The following IPO11 variants were observed in gnomAD, a reference collection of about 807,000 sequenced individuals.
The protein encoded by IPO11 is importin 11.
IPO11 carries 66 observed loss-of-function variants against 143.2 expected under a neutral mutation model. That is an observed-to-expected ratio of 0.46 (90% CI 0.38 to 0.57). The LOEUF is 0.57. Ranked by LOEUF, IPO11 falls within the 20% of genes least tolerant of loss-of-function variation. The pLI is 0.00. For synonymous variants in IPO11, 385 were observed against 377.8 expected (o/e 1.02, Z -0.22); for missense variants, 1,026 against 1,141.0 (o/e 0.90, Z 1.45).
chr5:62,504,665 A>G lies in IPO11; in HGVS notation c.1591-2A>G, dbSNP rs762462276. The G allele has an allele frequency of 6.9e-7, 1 of 1,453,952 alleles. No individual in the cohort carries two copies. Among genetic ancestry groups the G allele is most frequent in the South Asian group, 1.3e-5 (1 of 78,908 alleles). The allele number at this position is 1,453,952 out of a possible 1,614,324, so 90.1% of individuals were successfully genotyped here. ...AAAAACTAATGATATACTTTCTTTT[A>G]GGTCCGTATTGAAACAGCTACAACT... On this transcript the variant is annotated splice_acceptor_variant, in intron 16 of 29. Coordinates refer to ENST00000325324, the MANE Select transcript of IPO11 (RefSeq NM_016338.5). LOFTEE classifies it high-confidence loss of function.
At chr5:62,472,403 G>A (rs1362076277) in intron 7 of IPO11, among the ~76,000 whole-genome samples, 1 of 151,858 alleles carries the variant, frequency 6.6e-6, no homozygotes, top group African/African-American at 2.4e-5. Flanking sequence ...GAGTTTTCTG[G>A]TTGCATAAAT....
At chr5:62,559,598 G>GT (rs893248438) in intron 26 of IPO11, among the ~76,000 whole-genome samples, 49 of 150,454 alleles carry the variant, frequency 3.3e-4, no homozygotes, top group Non-Finnish European at 4.6e-4. Flanking sequence ...TTTTGTTTTT[G>GT]TTTTTTTTTC....
intron 7 of IPO11, among the ~76,000 whole-genome samples, chr5:62,472,494 CAAATT>C (rs1463743805): frequency 6.7e-6 from 1 of 148,510 alleles, no homozygotes; most frequent in Non-Finnish European, 1.5e-5. Flanking sequence ...AAAATGTTAA[CAAATT>C]AAAGACAACA....
chr5:62,509,977 C>T (rs1741689623), intron 19 of IPO11, among the ~76,000 whole-genome samples: 1 of 152,176 alleles, frequency 6.6e-6, no homozygotes, highest in Non-Finnish European at 1.5e-5. Flanking sequence ...CTCAATGCTA[C>T]TTTCCATAGT....
intron 15 of IPO11, among the ~76,000 whole-genome samples, chr5:62,490,492 G>A (rs1205930809): frequency 2.0e-5 from 3 of 152,080 alleles, no homozygotes; most frequent in South Asian, 2.1e-4. Flanking sequence ...AAGACAGTTC[G>A]AAACTTAGCA....
At chr5:62,450,871 T>G (rs1414571897) in intron 4 of IPO11, among the ~76,000 whole-genome samples, 1 of 152,236 alleles carries the variant, frequency 6.6e-6, no homozygotes, top group Non-Finnish European at 1.5e-5. Flanking sequence ...AATACTTGGT[T>G]ATGCTTGATT....
chr5:62,549,808 A>G (rs1743332081), intron 24 of IPO11, among the ~76,000 whole-genome samples: 1 of 152,212 alleles, frequency 6.6e-6, no homozygotes, highest in East Asian at 1.9e-4. Context: ...TCAAGTTTTC[A>G]CATGTAACAA....
At chr5:62,485,506 C>T in intron 12 of IPO11, 44 bp downstream of exon 12, 2 of 1,393,694 alleles carry the variant, frequency 1.4e-6, no homozygotes, top group Non-Finnish European at 2.0e-6. Context: ...AAAGCTTAAT[C>T]TTTCTAAAGC....
intron 3 of IPO11, among the ~76,000 whole-genome samples, chr5:62,444,343 T>C (rs953013040): frequency 2.0e-5 from 3 of 152,070 alleles, no homozygotes; most frequent in South Asian, 4.2e-4. Context: ...CCGCCCGCCT[T>C]GGCCTCCCAA....
chr5:62,626,226 C>T (rs2112489862), intron 29 of IPO11, among the ~76,000 whole-genome samples: 1 of 152,200 alleles, frequency 6.6e-6, no homozygotes, highest in Non-Finnish European at 1.5e-5. Flanking sequence ...GACGGGGTTT[C>T]ACCATATTGG....
intron 9 of IPO11, among the ~76,000 whole-genome samples, chr5:62,480,388 G>C: frequency 6.6e-6 from 1 of 152,124 alleles, no homozygotes; most frequent in East Asian, 1.9e-4. Flanking sequence ...CTCCAGCTTT[G>C]TTCTTTTGGC....
intron 29 of IPO11, among the ~76,000 whole-genome samples, chr5:62,603,224 A>G: frequency 6.6e-6 from 1 of 152,224 alleles, no homozygotes; most frequent in East Asian, 1.9e-4. Context: ...AGTGTGAGCT[A>G]TATATACGTT....
At position 62,537,287 on chromosome 5, in the gene IPO11, A is replaced by G. The variant is rs780686969; in HGVS notation, c.2248A>G (p.Lys750Glu). ...TACAGAAGGTCAAGTTCAGGTGCTC[A>G]AGGTATTGTGATCATTTTAAATGAA... ...ITTEGQVQVL[K>E]VVENALKVNP... The change falls in exon 24 of 30, where the codon AAG becomes GAG. Residue 750 changes from lysine to glutamate, a missense_variant and splice_region_variant. Coordinates refer to ENST00000325324, the MANE Select transcript of IPO11 (RefSeq NM_016338.5). The G allele has an allele frequency of 8.7e-5, 136 of 1,569,338 alleles. No individual in the cohort carries two copies. The highest frequency in any genetic ancestry group is 1.2e-4 in the Non-Finnish European group (134 of 1,140,906).
chr5:62,421,883 A>G (rs1743526773), intron 1 of IPO11, among the ~76,000 whole-genome samples: 1 of 152,228 alleles, frequency 6.6e-6, no homozygotes, highest in East Asian at 1.9e-4. Context: ...GATTCTTATA[A>G]GATACAGCTT....
chr5:62,474,201 A>T (rs1302600194), intron 7 of IPO11, among the ~76,000 whole-genome samples: 1 of 152,198 alleles, frequency 6.6e-6, no homozygotes, highest in Non-Finnish European at 1.5e-5. Context: ...ATGTAACTAA[A>T]TGAGATATTG....
At position 62,451,810 on chromosome 5, in the gene IPO11, T is replaced by G; in HGVS notation, c.393T>G (p.Thr131=). Residue 131 remains threonine, a synonymous_variant, in exon 5 of 30, where the codon ACT becomes ACG. Coordinates refer to ENST00000325324, the MANE Select transcript of IPO11 (RefSeq NM_016338.5). ...CPRQWPELIP[T]LIESVKVQDD... is the part of the protein sequence containing the mutation. ...GACAGTGGCCTGAACTAATTCCCACTCTTATAGAGTCTGTTAAAGTCCAGG... is the reference window on the plus strand; with the variant it reads ...GACAGTGGCCTGAACTAATTCCCACGCTTATAGAGTCTGTTAAAGTCCAGG... The G allele has an allele frequency of 1.9e-6, 3 of 1,614,100 alleles. No homozygotes were observed. The highest frequency in any genetic ancestry group is 1.7e-6 in the Non-Finnish European group (2 of 1,179,940).
chr5:62,599,503 C>T (rs1322371740), intron 28 of IPO11, among the ~76,000 whole-genome samples: 1 of 152,184 alleles, frequency 6.6e-6, no homozygotes, highest in Non-Finnish European at 1.5e-5. Flanking sequence ...TTACTTAGGG[C>T]AGAGTTTATA....
intron 1 of IPO11, among the ~76,000 whole-genome samples, chr5:62,424,656 G>A (rs879361830): frequency 2.7e-4 from 41 of 151,252 alleles, no homozygotes; most frequent in Non-Finnish European, 5.2e-4. Context: ...CTGCCAGGCT[G>A]GTGTTGAACT....
At chr5:62,565,373 C>T (rs1580330286) in intron 27 of IPO11, among the ~76,000 whole-genome samples, 2 of 152,190 alleles carry the variant, frequency 1.3e-5, no homozygotes, top group East Asian at 3.9e-4. Flanking sequence ...GTAATTCCAG[C>T]TACTCAGGAG....
Sources: gnomAD v4.1 joint callset for allele counts (sites outside exome capture counted in the v4.1 genomes callset) on GRCh38, gnomAD v4.1.1 for gene constraint, MANE v1.5 for transcripts, NCBI Gene and HGNC (gene_info 2026-07-23, HGNC 2026-07-21) for gene names.